Variants in ZNF516 observed in about 807,000 individuals in gnomAD.
ZNF516 encodes zinc finger protein 516.
In ZNF516, 19 loss-of-function variants were observed where a neutral mutation model predicts 79.7. The observed-to-expected ratio is 0.24, with a 90% CI of 0.17 to 0.35. The LOEUF (loss-of-function observed/expected upper bound fraction) is 0.35, where lower values mean the gene tolerates loss of function less well. Among genes scored for constraint, ZNF516 ranks in the 10% least tolerant of loss-of-function variants. The pLI is 1.00. For missense variants in ZNF516, 1,678 were observed against 1,679.5 expected (o/e 1.00, Z 0.02); for synonymous variants, 877 against 739.5 (o/e 1.19, Z -3.02).
At chr18:76,453,086 T>C (rs1392862307) in intron 2 of ZNF516, among the ~76,000 whole-genome samples, 1 of 152,224 alleles carries the variant, frequency 6.6e-6, no homozygotes, top group Non-Finnish European at 1.5e-5. Flanking sequence ...TACTAAGTAG[T>C]TGCTTTGCCA....
chr18:76,450,392 A>C (rs1912333805), intron 2 of ZNF516, among the ~76,000 whole-genome samples: 1 of 116,860 alleles, frequency 8.6e-6, no homozygotes, highest in Non-Finnish European at 1.6e-5. Flanking sequence ...CCAGGGCTGT[A>C]ATAAATGCAG....
chr18:76,372,094 G>A (rs1053095130), intron 4 of ZNF516, among the ~76,000 whole-genome samples: 5 of 152,314 alleles, frequency 3.3e-5, no homozygotes, highest in South Asian at 4.1e-4. Flanking sequence ...CTGAGGCCCC[G>A]GCCCCCAGAA....
chr18:76,374,418 G>A (rs2074754101), intron 4 of ZNF516, among the ~76,000 whole-genome samples: 1 of 152,146 alleles, frequency 6.6e-6, no homozygotes, highest in Non-Finnish European at 1.5e-5. Context: ...CTTCTTAAAT[G>A]GTCAGGGAGT....
intron 1 of ZNF516, among the ~76,000 whole-genome samples, chr18:76,494,415 C>CA (rs1915395665): frequency 6.6e-6 from 1 of 151,720 alleles, no homozygotes; most frequent in Admixed American, 6.6e-5. Flanking sequence ...CGAGGAGTCC[C>CA]TGCCCACCCC....
At chr18:76,386,019 T>A (rs2074986490) in intron 3 of ZNF516, 1 of 152,252 alleles carries the variant, frequency 6.6e-6, no homozygotes, top group Non-Finnish European at 1.5e-5. Flanking sequence ...CTTGCCTAAC[T>A]TCGTAAGTGT....
At chr18:76,472,931 C>T (rs1004258082) in intron 1 of ZNF516, among the ~76,000 whole-genome samples, 5 of 152,068 alleles carry the variant, frequency 3.3e-5, no homozygotes, top group Non-Finnish European at 5.9e-5. Context: ...TAAAAAACAA[C>T]AGCCAAAAAA....
At chr18:76,401,997 G>T (rs962536746) in intron 3 of ZNF516, among the ~76,000 whole-genome samples, 1 of 148,966 alleles carries the variant, frequency 6.7e-6, no homozygotes, top group African/African-American at 2.4e-5. Flanking sequence ...GTGTGTACGC[G>T]CGTGTGTACA....
chr18:76,459,752 G>T lies in ZNF516; in HGVS notation c.-158+3276C>A, dbSNP rs1411982394. On this transcript the variant is annotated intron_variant, in intron 2 of 6. Transcript: ENST00000443185. This position sits in a 1 kb window ranked among gnomAD's most constrained non-coding sequence, Gnocchi z 5.0. ...AGGCACTGCTCCTGGAGCACAGTGG[G>T]TATCCCATCACAACGCGGGAGGATT... is the stretch of plus-strand genomic sequence containing the variant. 6.6e-6 allele frequency among the ~76,000 whole-genome samples: 1 copy of T among 152,174 alleles called. No homozygotes were observed. The highest frequency in any genetic ancestry group is 2.4e-5 in the African/African-American group (1 of 41,438).
At chr18:76,457,443 C>T (rs948634688) in intron 2 of ZNF516, among the ~76,000 whole-genome samples, 2 of 152,160 alleles carry the variant, frequency 1.3e-5, no homozygotes, top group Non-Finnish European at 1.5e-5. Context: ...GGGATGTGGG[C>T]GGCGTCTGTA....
chr18:76,404,090 C>T (rs903122312), intron 3 of ZNF516, among the ~76,000 whole-genome samples: 1 of 152,236 alleles, frequency 6.6e-6, no homozygotes, highest in Non-Finnish European at 1.5e-5. Flanking sequence ...CACTCTGTGG[C>T]TCTCCAACAC....
intron 3 of ZNF516, among the ~76,000 whole-genome samples, chr18:76,436,691 C>A (rs1456559569): frequency 6.6e-6 from 1 of 152,142 alleles, no homozygotes; most frequent in Non-Finnish European, 1.5e-5. Flanking sequence ...GCCGCACAGG[C>A]AGACACCCCT....
upstream of ZNF516, among the ~76,000 whole-genome samples, chr18:76,495,358 C>T (rs1206897581): frequency 4.8e-5 from 7 of 144,992 alleles, no homozygotes; most frequent in African/African-American, 1.5e-4. Context: ...GCGTCCGCCC[C>T]GCGGGGGCCC....
At chr18:76,374,642 T>C (rs756757284) in intron 4 of ZNF516, among the ~76,000 whole-genome samples, 1 of 152,214 alleles carries the variant, frequency 6.6e-6, no homozygotes, top group Non-Finnish European at 1.5e-5. Flanking sequence ...AATCACAGAA[T>C]CACACTTCTA....
At chr18:76,463,416 C>T (rs578098243) in intron 1 of ZNF516, among the ~76,000 whole-genome samples, 206 of 152,360 alleles carry the variant, frequency 1.4e-3, no homozygotes, top group Non-Finnish European at 1.2e-3. Flanking sequence ...GTAACCAGGA[C>T]GCCGCCTAAC....
intron 3 of ZNF516, among the ~76,000 whole-genome samples, chr18:76,413,324 C>T (rs1206196073): frequency 6.6e-6 from 1 of 152,126 alleles, no homozygotes; most frequent in East Asian, 1.9e-4. Flanking sequence ...ATAAATTACA[C>T]ATATCTAAAA....
chr18:76,417,442 A>G (rs2075446116), intron 3 of ZNF516, among the ~76,000 whole-genome samples: 1 of 152,234 alleles, frequency 6.6e-6, no homozygotes, highest in Non-Finnish European at 1.5e-5. Flanking sequence ...TTGGTTTTTA[A>G]CCAAAGATAT....
chr18:76,386,071 G>A (rs905082908), intron 3 of ZNF516: 1 of 152,162 alleles, frequency 6.6e-6, no homozygotes, highest in South Asian at 2.1e-4. Context: ...TCTATATTGG[G>A]CTTCGTAAAA....
Position 76,379,494 on chromosome 18 carries a change from G to A in ZNF516, c.2620C>T (p.Pro874Ser). 1 of 1,613,738 alleles carries A rather than the reference G, an allele frequency of 6.2e-7. No homozygotes were observed. Among genetic ancestry groups the A allele is most frequent in the Non-Finnish European group, 8.5e-7 (1 of 1,179,902 alleles). The change falls in exon 4 of 7, where the codon CCC becomes TCC. Residue 874 changes from proline (P) to serine (S), a missense_variant. Pro to Ser is a moderately conservative substitution (Grantham distance 74, BLOSUM62 -1). This residue lies in a region of ZNF516 where 1,294 missense variants were observed against 1,248.3 expected (regional missense o/e 1.04). Coordinates refer to ENST00000443185, the MANE Select transcript of ZNF516 (RefSeq NM_014643.4). ...PKNKESHSGGPCALWAPGPDG... is the reference protein window; with the variant it reads ...PKNKESHSGGSCALWAPGPDG... The stretch of plus-strand genomic sequence containing the variant: ...GGGCCGGGCGCCCACAGAGCGCAGG[G>A]ACCTCCGGAATGGCTCTCCTTATTC...
chr18:76,472,747 A>G (rs906366173), intron 1 of ZNF516, among the ~76,000 whole-genome samples: 9 of 152,272 alleles, frequency 5.9e-5, no homozygotes, highest in African/African-American at 1.4e-4. Flanking sequence ...TCACAGGCAG[A>G]AAAAGCAATA....
Sources: gnomAD v4.1 joint callset for allele counts (sites outside exome capture counted in the v4.1 genomes callset) on GRCh38, gnomAD v4.1.1 for gene constraint, gnomAD v4.1.1 regional missense constraint, Gnocchi (gnomAD v3.1) non-coding constraint, MANE v1.5 for transcripts, NCBI Gene and HGNC (gene_info 2026-07-23, HGNC 2026-07-21) for gene names.